Variants in RTKN2 observed in about 807,000 individuals in gnomAD.
RTKN2 encodes rhotekin-2.
RTKN2 carries 69 observed loss-of-function variants against 71.5 expected under a neutral mutation model. That is an observed-to-expected ratio of 0.96 (90% CI 0.79 to 1.18). The LOEUF is 1.18. RTKN2 is among the 50% of genes most tolerant of loss of function. The pLI is 0.00. For synonymous variants in RTKN2, 236 were observed against 236.5 expected, an observed-to-expected ratio of 1.00 and a Z score of 0.02; for missense variants, 724 against 719.7, an observed-to-expected ratio of 1.01 and a Z score of -0.07.
At chr10:62,246,365 G>T (rs3765002) in intron 2 of RTKN2, among the ~76,000 whole-genome samples, 83,020 of 151,762 alleles carry the variant, frequency 0.55, 23,655 homozygotes, top group East Asian at 0.89. Flanking sequence ...TACAATATTT[G>T]TCCATGTCCC....
intron 2 of RTKN2, among the ~76,000 whole-genome samples, chr10:62,260,132 C>T (rs191514329): frequency 4.1e-4 from 63 of 152,234 alleles, no homozygotes; most frequent in Non-Finnish European, 1.0e-4. Context: ...AGCATTTTTC[C>T]ACCTTAAGGA....
At chr10:62,235,165 A>ATT (rs1332967379) in intron 6 of RTKN2, among the ~76,000 whole-genome samples, 2 of 152,230 alleles carry the variant, frequency 1.3e-5, no homozygotes, top group East Asian at 3.9e-4. Flanking sequence ...GCTAAAAGAA[A>ATT]CTTAAAAGAC....
At position 62,217,175 on chromosome 10, in the gene RTKN2, G is replaced by A. The variant is rs978445074; in HGVS notation, c.963C>T (p.Tyr321=). 1.2e-6 allele frequency: 2 copies of A among 1,601,914 alleles called. No individual in the cohort carries two copies. Among genetic ancestry groups the A allele is most frequent in the African/African-American group, 2.7e-5 (2 of 73,652 alleles). The change falls in exon 9 of 12, where the codon TAC becomes TAT. Residue 321 remains tyrosine (Y), a synonymous_variant. Coordinates refer to ENST00000373789, the MANE Select transcript of RTKN2 (RefSeq NM_145307.4). ...CTTTAGCTTCAATTTCCTCTGGACTGTAAAAACAATAGAGTTTACCTCCTC... is the reference window on the plus strand; with the variant it reads ...CTTTAGCTTCAATTTCCTCTGGACTATAAAAACAATAGAGTTTACCTCCTC... The part of the protein sequence containing the change: ...VLRGGKLYCF[Y]SPEEIEAKVE...
Position 62,194,169 on chromosome 10 carries a change from G to GC in RTKN2, c.*3738dup. 2 of 979,068 alleles carry GC rather than the reference G, an allele frequency of 2.0e-6. No homozygotes were observed. Among genetic ancestry groups the GC allele is most frequent in the Non-Finnish European group, 2.4e-6 (2 of 824,234 alleles). 60.6% of individuals were successfully genotyped at this position (979,068 alleles called of 1,614,324 possible). A position where few individuals can be genotyped will look rare whatever the true frequency, so the allele number is the denominator to read the frequency against. ...ATTATAAACAAAGCCAATTACACAA[G>GC]CATGTCAGAAAATCAACACACCCTA... is the stretch of plus-strand genomic sequence containing the variant. On this transcript the variant is annotated 3_prime_UTR_variant, in exon 12 of 12. Transcript: ENST00000373789.
chr10:62,249,258 T>G (rs2133050978), intron 2 of RTKN2, among the ~76,000 whole-genome samples: 1 of 152,120 alleles, frequency 6.6e-6, no homozygotes, highest in Non-Finnish European at 1.5e-5. Context: ...CACAATTATG[T>G]TGAATGACAC....
intron 1 of RTKN2, among the ~76,000 whole-genome samples, chr10:62,263,476 T>C (rs996674696): frequency 2.6e-5 from 4 of 152,202 alleles, no homozygotes; most frequent in Admixed American, 2.0e-4. Flanking sequence ...AGCCACTCAG[T>C]CTTGGTCATT....
intron 8 of RTKN2, among the ~76,000 whole-genome samples, chr10:62,186,485 A>G (rs1249103851): frequency 6.6e-6 from 1 of 151,428 alleles, no homozygotes; most frequent in Non-Finnish European, 1.5e-5. Flanking sequence ...AGATTAAAGC[A>G]ATAAGGAAAG....
Position 62,183,909 on chromosome 10 carries a change from A to G in RTKN2, c.*413T>C, listed in dbSNP as rs74643929. On this transcript the variant is annotated 3_prime_UTR_variant, in exon 9 of 9. Coordinates refer to the RTKN2 transcript ENST00000315289. ...TTTCTTCAGCCTTTGATTTTTATCAAGATTCACTTTATTCTTCAAAGCATT... is the reference window on the plus strand; with the variant it reads ...TTTCTTCAGCCTTTGATTTTTATCAGGATTCACTTTATTCTTCAAAGCATT... 100 of 155,076 alleles carry G rather than the reference A, an allele frequency of 6.4e-4. 1 individual carries two copies. The highest frequency in any genetic ancestry group is 3.3e-3 in the Middle Eastern group (1 of 304). The allele number at this position is 155,076 out of a possible 1,614,324, so 9.6% of individuals were successfully genotyped here.
chr10:62,206,318 A>C (rs1841548266), intron 9 of RTKN2, among the ~76,000 whole-genome samples: 1 of 152,158 alleles, frequency 6.6e-6, no homozygotes, highest in South Asian at 2.1e-4. Context: ...TCACTGAGTA[A>C]AGTGTGAAGA....
intron 9 of RTKN2, among the ~76,000 whole-genome samples, chr10:62,212,295 G>C (rs1044779194): frequency 6.6e-6 from 1 of 151,684 alleles, no homozygotes; most frequent in African/African-American, 2.4e-5. Flanking sequence ...CTGGAACCTG[G>C]GAGGTGGAGG....
At chr10:62,247,684 T>C (rs1035812782) in intron 2 of RTKN2, among the ~76,000 whole-genome samples, 1 of 151,996 alleles carries the variant, frequency 6.6e-6, no homozygotes, top group Non-Finnish European at 1.5e-5. Flanking sequence ...AACAGTTCAA[T>C]TGAACAGTTT....
At chr10:62,235,800 A>G (rs916380967) in intron 6 of RTKN2, among the ~76,000 whole-genome samples, 1 of 151,972 alleles carries the variant, frequency 6.6e-6, no homozygotes, top group Non-Finnish European at 1.5e-5. Flanking sequence ...TCCAAATCTA[A>G]AACACTTCTG....
intron 1 of RTKN2, 42 bp downstream of exon 1, chr10:62,268,509 G>A: frequency 6.5e-7 from 1 of 1,534,782 alleles, no homozygotes; most frequent in Non-Finnish European, 8.8e-7. Flanking sequence ...ACAGAACCCC[G>A]GCTCCCTCAC....
intron 9 of RTKN2, among the ~76,000 whole-genome samples, chr10:62,207,494 G>A (rs1020895372): frequency 3.9e-5 from 6 of 152,018 alleles, no homozygotes; most frequent in South Asian, 4.2e-4. Context: ...GTGTCAGAAA[G>A]TTCATGCAAG....
intron 6 of RTKN2, among the ~76,000 whole-genome samples, chr10:62,228,325 T>G (rs1246491323): frequency 1.3e-5 from 2 of 152,152 alleles, no homozygotes; most frequent in East Asian, 3.9e-4. Context: ...CATATAAAAA[T>G]AGTATTTCAA....
At chr10:62,266,132 A>T (rs985913798) in intron 1 of RTKN2, among the ~76,000 whole-genome samples, 1 of 152,200 alleles carries the variant, frequency 6.6e-6, no homozygotes, top group African/African-American at 2.4e-5. Context: ...TCCTGACGCT[A>T]TAAGTAGTTA....
chr10:62,247,026 G>C (rs1207983095), intron 2 of RTKN2, among the ~76,000 whole-genome samples: 1 of 151,720 alleles, frequency 6.6e-6, no homozygotes, highest in Non-Finnish European at 1.5e-5. Flanking sequence ...ATTTAATTTG[G>C]TCAGCTAATT....
At chr10:62,215,453 C>T in intron 9 of RTKN2, among the ~76,000 whole-genome samples, 1 of 151,882 alleles carries the variant, frequency 6.6e-6, no homozygotes, top group East Asian at 1.9e-4. Flanking sequence ...TTGATGAGGT[C>T]CTGGATCAGA....
chr10:62,211,373 T>G (rs1267084672), intron 9 of RTKN2, among the ~76,000 whole-genome samples: 1 of 152,154 alleles, frequency 6.6e-6, no homozygotes, highest in East Asian at 1.9e-4. Context: ...CCTATGAAAA[T>G]TAATGAACTA....
Sources: allele counts gnomAD v4.1 joint callset (sites outside exome capture counted in the v4.1 genomes callset), GRCh38; gene constraint gnomAD v4.1.1; transcripts MANE v1.5; gene names NCBI Gene and HGNC (gene_info 2026-07-23, HGNC 2026-07-21).